The following PLEKHG1 variants were observed in gnomAD, a reference collection of about 807,000 sequenced individuals.
PLEKHG1 encodes the protein pleckstrin homology and RhoGEF domain containing G1.
In PLEKHG1, 44 loss-of-function variants were observed where a neutral mutation model predicts 100.8. The ratio of observed to expected loss-of-function variants is 0.44; its 90% CI spans 0.34 to 0.56. PLEKHG1 has a LOEUF of 0.56. Ranked by LOEUF, PLEKHG1 falls within the 20% of genes least tolerant of loss-of-function variation. PLEKHG1 has a pLI of 0.01. For synonymous variants in PLEKHG1, 640 were observed against 662.5 expected, an observed-to-expected ratio of 0.97 and a Z score of 0.52; for missense variants, 1,545 against 1,720.9, an observed-to-expected ratio of 0.90 and a Z score of 1.81.
At chr6:150,657,903 G>T (rs1779031989) in intron 3 of PLEKHG1, among the ~76,000 whole-genome samples, 1 of 152,204 alleles carries the variant, frequency 6.6e-6, no homozygotes, top group Non-Finnish European at 1.5e-5. Context: ...GCTTTTAGCA[G>T]CTGTGGATAA....
At chr6:150,798,382 C>A (rs1786483564) in intron 5 of PLEKHG1, among the ~76,000 whole-genome samples, 1 of 152,128 alleles carries the variant, frequency 6.6e-6, no homozygotes, top group South Asian at 2.1e-4. Flanking sequence ...AGAAATAATT[C>A]TTAAACTTCC....
rs769141872 is a variant in PLEKHG1, at chr6:150,840,513, G to T, written c.3775G>T (p.Ala1259Ser). 5 of 1,614,006 alleles carry T rather than the reference G, an allele frequency of 3.1e-6. No individual in the cohort carries two copies. In the Admixed American group the frequency reaches 8.3e-5, roughly 27 times the overall value. ...GGTCAATAGAAATTTACCCTTAAAT[G>T]CCCAAATTGCAACACAGAATTATTT... The change falls in exon 16 of 16, where the codon GCC becomes TCC. Residue 1259 changes from alanine (A) to serine (S), a missense_variant. By Grantham distance (99) the Ala-to-Ser change is moderately conservative. Coordinates refer to ENST00000358517, the Ensembl canonical transcript of PLEKHG1.
intron 2 of PLEKHG1, among the ~76,000 whole-genome samples, chr6:150,757,178 T>C (rs1239355438): frequency 6.6e-6 from 1 of 152,114 alleles, no homozygotes; most frequent in Non-Finnish European, 1.5e-5. Flanking sequence ...GTTTTTGTAT[T>C]TTTAGTAGAG....
At chr6:150,696,834 G>A (rs990184948) in intron 3 of PLEKHG1, among the ~76,000 whole-genome samples, 31 of 152,170 alleles carry the variant, frequency 2.0e-4, no homozygotes, top group Admixed American at 1.9e-3. Flanking sequence ...AGGGCCGGGC[G>A]CAGTGGCTTA....
chr6:150,822,176 AAAGAAT>A (rs1776343738), intron 13 of PLEKHG1, among the ~76,000 whole-genome samples: 2 of 150,110 alleles, frequency 1.3e-5, no homozygotes, highest in Non-Finnish European at 3.0e-5. Flanking sequence ...AAAAAAAAAA[AAAGAAT>A]AGGGCAGTTT....
At chr6:150,787,489 C>A (rs10484778) in intron 4 of PLEKHG1, among the ~76,000 whole-genome samples, 1 of 152,188 alleles carries the variant, frequency 6.6e-6, no homozygotes, top group Non-Finnish European at 1.5e-5. Context: ...GTTTGGAAAG[C>A]CTTTAGCAGA....
intron 5 of PLEKHG1, among the ~76,000 whole-genome samples, chr6:150,798,156 A>C (rs1299086638): frequency 6.6e-6 from 1 of 152,124 alleles, no homozygotes; most frequent in Non-Finnish European, 1.5e-5. Flanking sequence ...CATGGTTCTA[A>C]ACCAAAAGCC....
chr6:150,828,139 C>T, intron 14 of PLEKHG1: 2 of 1,613,578 alleles, frequency 1.2e-6, no homozygotes, highest in Non-Finnish European at 1.7e-6. Context: ...CCCAATTATA[C>T]TGATAGGAAT....
intron 3 of PLEKHG1, among the ~76,000 whole-genome samples, chr6:150,705,935 C>T (rs533644947): frequency 2.0e-5 from 3 of 152,214 alleles, no homozygotes; most frequent in African/African-American, 4.8e-5. Flanking sequence ...CTCTAGGTGC[C>T]GTCTTAAATG....
chr6:150,799,107 A>G (rs918024586), intron 5 of PLEKHG1, among the ~76,000 whole-genome samples: 2 of 152,136 alleles, frequency 1.3e-5, no homozygotes, highest in African/African-American at 4.8e-5. Context: ...GCAGAGAGGT[A>G]CTCAAAAGTT....
intron 3 of PLEKHG1, among the ~76,000 whole-genome samples, chr6:150,692,679 G>C (rs1780387744): frequency 6.6e-6 from 1 of 152,212 alleles, no homozygotes; most frequent in Non-Finnish European, 1.5e-5. Context: ...TATAGAGTAA[G>C]CAGAATTTGA....
chr6:150,715,312 A>G (rs2128606197), intron 3 of PLEKHG1, among the ~76,000 whole-genome samples: 1 of 152,258 alleles, frequency 6.6e-6, no homozygotes, highest in East Asian at 1.9e-4. Flanking sequence ...ACAGTCTGGA[A>G]GAATGTGTAT....
At chr6:150,722,119 A>G (rs538465472) in intron 1 of PLEKHG1, among the ~76,000 whole-genome samples, 3 of 152,092 alleles carry the variant, frequency 2.0e-5, no homozygotes, top group African/African-American at 7.2e-5. Context: ...TCTAATGTAG[A>G]CAATAAAGAA....
chr6:150,699,716 A>G (rs1780689949), intron 3 of PLEKHG1, among the ~76,000 whole-genome samples: 2 of 152,236 alleles, frequency 1.3e-5, no homozygotes, highest in African/African-American at 4.8e-5. Context: ...TTTTAAACAC[A>G]GCAAGTTTAA....
At chr6:150,754,119 G>A (rs1239478260) in intron 2 of PLEKHG1, among the ~76,000 whole-genome samples, 3 of 152,330 alleles carry the variant, frequency 2.0e-5, no homozygotes, top group Admixed American at 1.3e-4. Flanking sequence ...ACCCAGACAG[G>A]GGACAGGAAG....
At chr6:150,682,656 G>A (rs561149141) in intron 3 of PLEKHG1, among the ~76,000 whole-genome samples, 10 of 152,300 alleles carry the variant, frequency 6.6e-5, no homozygotes, top group African/African-American at 2.4e-4. Context: ...AAACTTCCTA[G>A]ATGGCAGGCT....
At chr6:150,759,895 G>C (rs975723116) in intron 2 of PLEKHG1, among the ~76,000 whole-genome samples, 38 of 152,084 alleles carry the variant, frequency 2.5e-4, no homozygotes, top group Admixed American at 2.5e-3. Flanking sequence ...CTACTGGGAA[G>C]GCTGAGGCGG....
intron 2 of PLEKHG1, among the ~76,000 whole-genome samples, chr6:150,649,775 G>T (rs1466442978): frequency 6.6e-6 from 1 of 152,240 alleles, no homozygotes; most frequent in Non-Finnish European, 1.5e-5. Flanking sequence ...ACTTTGGGAG[G>T]CCGAGGCGGG....
intron 3 of PLEKHG1, among the ~76,000 whole-genome samples, chr6:150,769,556 G>GC (rs967145123): frequency 2.3e-5 from 3 of 131,606 alleles, no homozygotes; most frequent in African/African-American, 9.2e-5. Flanking sequence ...AATCTGTCCA[G>GC]CCAGGGTGAC....
Sources: gnomAD v4.1 joint callset for allele counts (sites outside exome capture counted in the v4.1 genomes callset) on GRCh38, gnomAD v4.1.1 for gene constraint, MANE v1.5 for transcripts, NCBI Gene and HGNC (gene_info 2026-07-23, HGNC 2026-07-21) for gene names.